Variants in LIMCH1 observed in about 807,000 individuals in gnomAD.
LIMCH1 encodes the protein LIM and calponin homology domains-containing protein 1.
LIMCH1 carries 113 observed loss-of-function variants against 176.5 expected under a neutral mutation model. The observed-to-expected ratio is 0.64, with a 90% CI of 0.55 to 0.75. The LOEUF is 0.75. LIMCH1 is among the 30% of genes least tolerant of loss of function. The pLI is 0.00. For missense variants in LIMCH1, 1,674 were observed against 1,814.9 expected, an observed-to-expected ratio of 0.92 and a Z score of 1.41; for synonymous variants, 619 against 645.9, an observed-to-expected ratio of 0.96 and a Z score of 0.63.
At chr4:41,671,920 A>C (rs534288696) in intron 22 of LIMCH1, among the ~76,000 whole-genome samples, 251 of 151,250 alleles carry the variant, frequency 1.7e-3, no homozygotes, top group Non-Finnish European at 2.7e-3. Flanking sequence ...GTATTCAACC[A>C]AAATTGAGAC....
chr4:41,392,031 A>T (rs2057303533), intron 1 of LIMCH1, among the ~76,000 whole-genome samples: 1 of 152,214 alleles, frequency 6.6e-6, no homozygotes, highest in Non-Finnish European at 1.5e-5. Flanking sequence ...ATTCTCTTGA[A>T]AATGCCCTAT....
chr4:41,376,154 G>A (rs2054738058), intron 1 of LIMCH1, among the ~76,000 whole-genome samples: 1 of 151,938 alleles, frequency 6.6e-6, no homozygotes, highest in Non-Finnish European at 1.5e-5. Context: ...TGTCTTTTTT[G>A]TTAATAGAAC....
chr4:41,633,711 C>T lies in LIMCH1; in HGVS notation c.1993C>T (p.His665Tyr), dbSNP rs922566799. The change falls in exon 13 of 32, where the codon CAC becomes TAC. Residue 665 changes from histidine to tyrosine, a missense_variant. His to Tyr is a moderately conservative substitution (Grantham distance 83). Coordinates refer to ENST00000503057, the MANE Select transcript of LIMCH1 (RefSeq NM_001330672.2). ...CAGGAGAACTGGGATGTCCCTTAGA[C>T]ACACTGGATCCAACCCAAACCAGTT... ...MARRTGMSLR[H>Y]TGSNPNQFLP... The T allele has an allele frequency of 1.3e-6, 2 of 1,536,074 alleles. No homozygotes were observed. The highest frequency in any genetic ancestry group is 1.4e-5 in the African/African-American group (1 of 73,068).
chr4:41,656,501 A>G (rs2094467406), intron 18 of LIMCH1, among the ~76,000 whole-genome samples: 1 of 152,202 alleles, frequency 6.6e-6, no homozygotes, highest in African/African-American at 2.4e-5. Flanking sequence ...CTATCTATCC[A>G]GTTACCTGGG....
Position 41,626,862 on chromosome 4 carries a change from A to G in LIMCH1, c.880A>G (p.Arg294Gly), listed in dbSNP as rs779284723. ...PDLEKDDFAA[R>G]RARMNQTKPM... ...TCTTGAGAAGGATGACTTTGCTGCA[A>G]GGAGAGCAAGGATGAACCAAACCAA... Residue 294 changes from arginine to glycine, a missense_variant, in exon 8 of 32, where the codon AGG becomes GGG. Transcript: ENST00000503057. The G allele has an allele frequency of 6.5e-7, 1 of 1,536,186 alleles. No individual in the cohort carries two copies. Among genetic ancestry groups the G allele is most frequent in the Non-Finnish European group, 8.7e-7 (1 of 1,146,924 alleles).
chr4:41,564,477 T>C (rs1427336003), intron 1 of LIMCH1, among the ~76,000 whole-genome samples: 1 of 152,198 alleles, frequency 6.6e-6, no homozygotes, highest in African/African-American at 2.4e-5. Flanking sequence ...TGTGCTTGGT[T>C]CTGTGGGGGA....
At chr4:41,377,151 A>G (rs542332556) in intron 1 of LIMCH1, among the ~76,000 whole-genome samples, 97 of 152,260 alleles carry the variant, frequency 6.4e-4, no homozygotes, top group Non-Finnish European at 1.1e-3. Context: ...TCACGGGTTG[A>G]AGGGTCAGCT....
rs1027969589 is a variant in LIMCH1, at chr4:41,638,974, T to C, written c.2126+7T>C. On this transcript the variant is annotated splice_region_variant and intron_variant, in intron 14 of 31. Coordinates refer to ENST00000503057, the MANE Select transcript of LIMCH1 (RefSeq NM_001330672.2). ...CTGTGTCTGATGACGCAGAGTAAGT[T>C]GCCTTGTATTTGTAGGATTACATTA... 6.3e-7 allele frequency: 1 copy of C among 1,577,416 alleles called. No homozygotes were observed. Among genetic ancestry groups the C allele is most frequent in the African/African-American group, 1.4e-5 (1 of 72,414 alleles).
At chr4:41,538,115 G>A (rs1583683249), upstream of LIMCH1, 1 of 963,464 alleles carries the variant, frequency 1.0e-6, no homozygotes, top group African/African-American at 1.8e-5. Flanking sequence ...CTCTCCAATA[G>A]GTGTGGCAAT....
At chr4:41,571,365 G>A (rs2083533426) in intron 1 of LIMCH1, among the ~76,000 whole-genome samples, 1 of 152,136 alleles carries the variant, frequency 6.6e-6, no homozygotes, top group Non-Finnish European at 1.5e-5. Context: ...CAGGGGAAAG[G>A]AGACGGAACA....
At chr4:41,515,705 T>C (rs935120930) in intron 2 of LIMCH1, among the ~76,000 whole-genome samples, 1 of 152,146 alleles carries the variant, frequency 6.6e-6, no homozygotes, top group Admixed American at 6.5e-5. Flanking sequence ...GTCTAGTGAG[T>C]TACAGGGCTA....
intron 1 of LIMCH1, chr4:41,389,455 T>G: frequency 4.9e-6 from 1 of 202,542 alleles, no homozygotes; most frequent in South Asian, 1.0e-4. Context: ...GCACTGATCT[T>G]TAGCCAGAGA....
chr4:41,618,053 G>A (rs2092276990), intron 5 of LIMCH1, among the ~76,000 whole-genome samples: 1 of 152,200 alleles, frequency 6.6e-6, no homozygotes, highest in Admixed American at 6.5e-5. Flanking sequence ...AACTCAAAAG[G>A]AAGTGGCTCT....
At chr4:41,594,049 G>A (rs998546547) in intron 1 of LIMCH1, among the ~76,000 whole-genome samples, 11 of 152,058 alleles carry the variant, frequency 7.2e-5, no homozygotes, top group African/African-American at 2.7e-4. Context: ...TAATTCATGT[G>A]GATGCTTAAA....
intron 1 of LIMCH1, among the ~76,000 whole-genome samples, chr4:41,598,201 A>G (rs1164004458): frequency 6.6e-6 from 1 of 152,192 alleles, no homozygotes; most frequent in Non-Finnish European, 1.5e-5. Flanking sequence ...CCCTTTCAGA[A>G]GCATTTGTTT....
chr4:41,652,046 T>A (rs975267438), intron 18 of LIMCH1, among the ~76,000 whole-genome samples: 2 of 152,150 alleles, frequency 1.3e-5, no homozygotes, highest in African/African-American at 4.8e-5. Context: ...ATTTATAGCA[T>A]TTGGGTTTAT....
intron 2 of LIMCH1, among the ~76,000 whole-genome samples, chr4:41,508,458 T>C (rs954384266): frequency 1.3e-5 from 2 of 152,148 alleles, no homozygotes; most frequent in Non-Finnish European, 2.9e-5. Context: ...TCCTGTAGGC[T>C]GTTGGGGATG....
At chr4:41,663,134 CGTGTGTGTGT>C (rs60475434) in intron 20 of LIMCH1, 150 bp downstream of exon 20, 416 of 406,098 alleles carry the variant, frequency 1.0e-3, no homozygotes, top group Non-Finnish European at 1.3e-3. Flanking sequence ...TTTTCTTTTT[CGTGTGTGTGT>C]GTGTGTGTGT....
intron 6 of LIMCH1, 78 bp from the exon 7 acceptor site, chr4:41,620,346 A>G (rs1187115027): frequency 7.5e-7 from 1 of 1,325,146 alleles, no homozygotes. Flanking sequence ...GTAATATCAG[A>G]ATAGCGGGGA....
Sources: gnomAD v4.1 joint callset for allele counts (sites outside exome capture counted in the v4.1 genomes callset) on GRCh38, gnomAD v4.1.1 for gene constraint, MANE v1.5 for transcripts, NCBI Gene and HGNC (gene_info 2026-07-23, HGNC 2026-07-21) for gene names.